Variants in MGST1 observed in about 807,000 individuals in gnomAD.
MGST1 encodes microsomal glutathione S-transferase 1, also known as glutathione S-transferase 12.
A neutral mutation model predicts 8.9 loss-of-function variants in MGST1; 5 were observed. The observed-to-expected ratio is 0.56, with a 90% CI of 0.29 to 1.19. The LOEUF (loss-of-function observed/expected upper bound fraction) is 1.19, where lower values mean the gene tolerates loss of function less well. MGST1 is among the 50% of genes most tolerant of loss of function. The probability of loss-of-function intolerance (pLI) is 0.08; values close to 1 mark genes in which losing one functional copy is unlikely to be tolerated. For synonymous variants in MGST1, 54 were observed against 67.8 expected (o/e 0.80, Z 1.00); for missense variants, 182 against 187.4 (o/e 0.97, Z 0.17).
At position 16,457,540 on chromosome 12, in the gene MGST1, TGTGTGA is replaced by T. The variant is rs1786637902; in HGVS notation, n.482+73941_482+73946del. On this transcript the variant is annotated intron_variant and non_coding_transcript_variant, in intron 4 of 4. Transcript: ENST00000538857. ...TCTTACATTTTTCTTTTTGGCTGTG[TGTGTGA>T]GTGTAATACACTTTATATATTAGCA... 4.6e-5 allele frequency among the ~76,000 whole-genome samples: 7 copies of T among 152,106 alleles called. No individual in the cohort carries two copies. In the South Asian group the frequency reaches 8.3e-4, roughly 18 times the overall value.
chr12:16,583,617 G>A (rs1392480331), intron 4 of MGST1, among the ~76,000 whole-genome samples: 1 of 152,162 alleles, frequency 6.6e-6, no homozygotes, highest in Non-Finnish European at 1.5e-5. Flanking sequence ...AAATGTAAGA[G>A]GCTGATTTAT....
Position 16,363,983 on chromosome 12 carries a change from G to T in MGST1, c.410G>T (p.Gly137Val). ...AATAGAGCTTTGAGTTTTTTTGTTG[G>T]ATATGGAGTTACTCTTTCCATGGCT... ...QPNRALSFFV[G>V]YGVTLSMAYR... Residue 137 changes from glycine to valine, a missense_variant, in exon 4 of 4, where the codon GGA (glycine) becomes GTA (valine). By Grantham distance (109) the Gly-to-Val change is moderately radical (BLOSUM62 -3). Coordinates refer to ENST00000396210, the MANE Select transcript of MGST1 (RefSeq NM_020300.5). This position sits in a 1 kb window ranked among gnomAD's most constrained non-coding sequence, Gnocchi z 4.6. 6.2e-7 allele frequency: 1 copy of T among 1,613,800 alleles called. No individual in the cohort carries two copies. The highest frequency in any genetic ancestry group is 8.5e-7 in the Non-Finnish European group (1 of 1,179,828).
intron 4 of MGST1, among the ~76,000 whole-genome samples, chr12:16,491,525 C>T (rs1278251165): frequency 2.6e-5 from 4 of 152,110 alleles, no homozygotes; most frequent in East Asian, 1.9e-4. Flanking sequence ...TTCACCATTT[C>T]GTTGTCCATT....
intron 1 of MGST1, among the ~76,000 whole-genome samples, chr12:16,397,536 G>C (rs1591716953): frequency 6.6e-6 from 1 of 151,572 alleles, no homozygotes. Flanking sequence ...ATCCAACAAA[G>C]AACTAATATC....
Position 16,559,768 on chromosome 12 carries a change from T to C in MGST1, n.483-29760T>C, listed in dbSNP as rs1037703964. ...GAGTTTGAGACCAGCCTGGGTAACA[T>C]AGTGAAACTCCATCATCTCTATAAA... On this transcript the variant is annotated intron_variant and non_coding_transcript_variant, in intron 4 of 4. Coordinates refer to the MGST1 transcript ENST00000538857. The surrounding 1 kb of genome is among the most constrained non-coding windows in gnomAD (Gnocchi z 4.1). 9.4e-5 allele frequency among the ~76,000 whole-genome samples: 14 copies of C among 148,916 alleles called. No homozygotes were observed. Among genetic ancestry groups the C allele is most frequent in the Non-Finnish European group, 1.5e-4 (10 of 67,358 alleles).
chr12:16,558,320 A>G (rs779500135), intron 4 of MGST1, among the ~76,000 whole-genome samples: 1 of 152,072 alleles, frequency 6.6e-6, no homozygotes, highest in Non-Finnish European at 1.5e-5. Context: ...TATTTTCTAA[A>G]TTTCCTACTA....
At chr12:16,552,414 A>G (rs2137254221) in intron 4 of MGST1, among the ~76,000 whole-genome samples, 1 of 152,170 alleles carries the variant, frequency 6.6e-6, no homozygotes, top group South Asian at 2.1e-4. Context: ...TAAATTGTGT[A>G]GTGAAAGCCA....
At chr12:16,425,875 A>G (rs1940881147) in intron 1 of MGST1, among the ~76,000 whole-genome samples, 1 of 152,058 alleles carries the variant, frequency 6.6e-6, no homozygotes, top group South Asian at 2.1e-4. Context: ...ACATTTTCAA[A>G]CCTCTTCTCT....
rs758201493 is a variant in MGST1 at position 16,584,740 on chromosome 12, G to A, written n.483-4788G>A. On this transcript the variant is annotated intron_variant and non_coding_transcript_variant, in intron 4 of 4. Transcript: ENST00000538857. This position sits in a 1 kb window ranked among gnomAD's most constrained non-coding sequence, Gnocchi z 5.2. ...AGCAAGAGATTTCTTTTATCAGGACGGGCTGCTTCTCGCCTCACAAAGCAG... is the reference window on the plus strand; with the variant it reads ...AGCAAGAGATTTCTTTTATCAGGACAGGCTGCTTCTCGCCTCACAAAGCAG... 7.2e-5 allele frequency among the ~76,000 whole-genome samples: 11 copies of A among 152,096 alleles called. No homozygotes were observed. Among genetic ancestry groups the A allele is most frequent in the Non-Finnish European group, 1.3e-4 (9 of 68,018 alleles).
intron 1 of MGST1, among the ~76,000 whole-genome samples, chr12:16,396,404 CT>C (rs1237405944): frequency 6.6e-6 from 1 of 152,152 alleles, no homozygotes; most frequent in Non-Finnish European, 1.5e-5. Flanking sequence ...CTCAACACTT[CT>C]ATTCAATGTA....
At chr12:16,543,584 G>A (rs1210308891) in intron 4 of MGST1, among the ~76,000 whole-genome samples, 1 of 151,724 alleles carries the variant, frequency 6.6e-6, no homozygotes, top group Non-Finnish European at 1.5e-5. Flanking sequence ...TGAACACTAT[G>A]TATCAGACAT....
At chr12:16,570,575 C>T (rs1942781396) in intron 4 of MGST1, among the ~76,000 whole-genome samples, 1 of 152,034 alleles carries the variant, frequency 6.6e-6, no homozygotes, top group South Asian at 2.1e-4. Context: ...TCAAATAAGC[C>T]ATTTAATGTT....
chr12:16,420,742 T>C (rs1216857191), intron 1 of MGST1, among the ~76,000 whole-genome samples: 1 of 152,096 alleles, frequency 6.6e-6, no homozygotes, highest in Admixed American at 6.6e-5. Context: ...GTGAGAATGC[T>C]CTCTTCTGCT....
chr12:16,499,927 A>G (rs1157219682), intron 4 of MGST1, among the ~76,000 whole-genome samples: 1 of 152,172 alleles, frequency 6.6e-6, no homozygotes, highest in Non-Finnish European at 1.5e-5. Flanking sequence ...AAATCGGTCA[A>G]GTTTAAAAGG....
chr12:16,455,353 G>A (rs1485502815), intron 4 of MGST1, among the ~76,000 whole-genome samples: 1 of 151,822 alleles, frequency 6.6e-6, no homozygotes, highest in East Asian at 1.9e-4. Context: ...AAGCCACACA[G>A]TAAGGGGCCC....
chr12:16,375,453 G>A (rs542740180), intron 3 of MGST1, among the ~76,000 whole-genome samples: 1 of 152,094 alleles, frequency 6.6e-6, no homozygotes, highest in African/African-American at 2.4e-5. Flanking sequence ...TTCCACAAAG[G>A]AACTATCCGA....
At chr12:16,351,896 C>T (rs531828088) in intron 1 of MGST1, among the ~76,000 whole-genome samples, 3 of 151,726 alleles carry the variant, frequency 2.0e-5, no homozygotes, top group Middle Eastern at 3.4e-3. Flanking sequence ...TTTAATACCT[C>T]ACCACATAAC....
At position 16,584,560 on chromosome 12, in the gene MGST1, A is replaced by G. The variant is rs1183366717; in HGVS notation, n.483-4968A>G. ...AAGGAATGGAAACAAGAGACGTTTT[A>G]GATTAACATTGGCAAGTGGAGGAGT... On this transcript the variant is annotated intron_variant and non_coding_transcript_variant, in intron 4 of 4. Transcript: ENST00000538857. The surrounding 1 kb of genome is among the most constrained non-coding windows in gnomAD (Gnocchi z 5.2). Among the ~76,000 whole-genome samples the G allele has an allele frequency of 2.0e-5, 3 of 151,934 alleles. No individual in the cohort carries two copies. In the East Asian group the frequency reaches 5.8e-4, roughly 29 times the overall value.
intron 1 of MGST1, among the ~76,000 whole-genome samples, chr12:16,384,200 A>G (rs1280482182): frequency 6.6e-6 from 1 of 152,170 alleles, no homozygotes; most frequent in Non-Finnish European, 1.5e-5. Flanking sequence ...ATTGAAGGAT[A>G]TGCCCCATGT....
Sources: allele counts gnomAD v4.1 joint callset (sites outside exome capture counted in the v4.1 genomes callset), GRCh38; gene constraint gnomAD v4.1.1; non-coding constraint Gnocchi (gnomAD v3.1); transcripts MANE v1.5; gene names NCBI Gene and HGNC (gene_info 2026-07-23, HGNC 2026-07-21).